Variants in JMY observed in about 807,000 individuals in gnomAD.
The protein encoded by JMY is junction-mediating and -regulatory protein.
JMY carries 46 observed loss-of-function variants against 103.3 expected under a neutral mutation model. The ratio of observed to expected loss-of-function variants is 0.45; its 90% CI spans 0.35 to 0.57. JMY has a LOEUF of 0.57. Among genes scored for constraint, JMY ranks in the 20% least tolerant of loss-of-function variants. The pLI is 0.00. For synonymous variants in JMY, 526 were observed against 489.3 expected (o/e 1.07, Z -0.99); for missense variants, 1,238 against 1,255.2 (o/e 0.99, Z 0.21).
intron 1 of JMY, 128 bp downstream of exon 1, chr5:79,237,810 A>G: frequency 1.3e-6 from 1 of 766,848 alleles, no homozygotes; most frequent in Non-Finnish European, 2.1e-6. Context: ...GCGGAAACCA[A>G]GAGGGGTTCC....
intron 1 of JMY, among the ~76,000 whole-genome samples, chr5:79,237,918 G>A (rs1744576406): frequency 6.6e-6 from 1 of 152,012 alleles, no homozygotes; most frequent in Non-Finnish European, 1.5e-5. Flanking sequence ...AAAGTAGTAA[G>A]TGCGCTCTGT....
intron 1 of JMY, among the ~76,000 whole-genome samples, chr5:79,273,409 T>C (rs1209473549): frequency 2.0e-5 from 3 of 152,228 alleles, no homozygotes; most frequent in Admixed American, 6.5e-5. Flanking sequence ...TTGTTCCTCC[T>C]ATGTTATTTT....
At chr5:79,311,745 G>T (rs7730113) in intron 7 of JMY, among the ~76,000 whole-genome samples, 8,523 of 152,242 alleles carry the variant, frequency 0.056, 543 homozygotes, top group African/African-American at 0.15. Context: ...TACTAAACCA[G>T]ATGATTCATG....
intron 2 of JMY, among the ~76,000 whole-genome samples, chr5:79,285,556 G>A (rs373491570): frequency 0.035 from 3,141 of 90,222 alleles, 133 homozygotes; most frequent in African/African-American, 0.18. Context: ...CTTGAGTTTC[G>A]ATTTCTCTCT....
chr5:79,236,529 G>T lies in JMY; in HGVS notation c.-122G>T. 1.4e-6 allele frequency: 1 copy of T among 698,146 alleles called. No homozygotes were observed. The highest frequency in any genetic ancestry group is 2.1e-6 in the Non-Finnish European group (1 of 484,910). 43.2% of individuals were successfully genotyped at this position (698,146 alleles called of 1,614,324 possible). A position where few individuals can be genotyped will look rare whatever the true frequency, so the allele number is the denominator to read the frequency against. On this transcript the variant is annotated 5_prime_UTR_variant, in exon 1 of 11. Coordinates refer to ENST00000396137, the MANE Select transcript of JMY (RefSeq NM_152405.5). ...GGCGAACGAGCCGGGAGAGCCGGCC[G>T]GCGCACTAAGATGGCTGAAGGCGCC...
At chr5:79,294,718 TGTG>T (rs1362856375) in intron 4 of JMY, among the ~76,000 whole-genome samples, 3 of 151,838 alleles carry the variant, frequency 2.0e-5, no homozygotes, top group South Asian at 4.2e-4. Flanking sequence ...ATTAGCCAGA[TGTG>T]GTGGTGAGCA....
chr5:79,263,396 G>A lies in JMY; in HGVS notation c.1033-14514G>A, dbSNP rs575207071. 1.1e-4 allele frequency among the ~76,000 whole-genome samples: 17 copies of A among 152,034 alleles called. No homozygotes were observed. The East Asian group carries it at 3.3e-3, about 29-fold the overall frequency. On this transcript the variant is annotated intron_variant, in intron 1 of 10. Coordinates refer to ENST00000396137, the MANE Select transcript of JMY (RefSeq NM_152405.5). The stretch of plus-strand genomic sequence containing the variant: ...GGTCTTTGTTACAAACAGGTTTTTT[G>A]ATTTTTTTTTTCTTTTCAGGCAGGA...
chr5:79,255,737 A>G (rs1262105414), intron 1 of JMY, among the ~76,000 whole-genome samples: 2 of 152,230 alleles, frequency 1.3e-5, no homozygotes, highest in Non-Finnish European at 2.9e-5. Context: ...TCACTGGATT[A>G]CCAGGCAAAG....
intron 1 of JMY, among the ~76,000 whole-genome samples, chr5:79,259,257 G>A (rs570975389): frequency 3.0e-4 from 45 of 152,278 alleles, no homozygotes; most frequent in African/African-American, 9.1e-4. Context: ...TCAGCCCTCA[G>A]CAGAGAGGAG....
chr5:79,284,612 T>A (rs1746215752), intron 2 of JMY: 3 of 1,546,678 alleles, frequency 1.9e-6, no homozygotes, highest in Non-Finnish European at 2.7e-6. Context: ...ACAGGTAAGA[T>A]CCATGCCATG....
intron 2 of JMY, among the ~76,000 whole-genome samples, chr5:79,280,479 G>A (rs1746073389): frequency 6.6e-6 from 1 of 152,114 alleles, no homozygotes; most frequent in African/African-American, 2.4e-5. Flanking sequence ...GAAAATTTGT[G>A]TCTTTTCTGA....
At chr5:79,313,716 A>G (rs1747119058) in intron 8 of JMY, among the ~76,000 whole-genome samples, 1 of 152,200 alleles carries the variant, frequency 6.6e-6, no homozygotes, top group Non-Finnish European at 1.5e-5. Flanking sequence ...TATTCACTAA[A>G]AATCTTTTTT....
At chr5:79,258,241 AAAAAG>A (rs1410972792) in intron 1 of JMY, among the ~76,000 whole-genome samples, 1 of 152,180 alleles carries the variant, frequency 6.6e-6, no homozygotes, top group Non-Finnish European at 1.5e-5. Context: ...TCTTTGAACT[AAAAAG>A]AAATAAAAAT....
intron 2 of JMY, among the ~76,000 whole-genome samples, chr5:79,281,201 C>T (rs1176519699): frequency 6.6e-6 from 1 of 151,464 alleles, no homozygotes; most frequent in Non-Finnish European, 1.5e-5. Context: ...CCTGCCACCA[C>T]ACCCGGCTAA....
chr5:79,281,661 A>AAG (rs1746119200), intron 2 of JMY, among the ~76,000 whole-genome samples: 1 of 152,158 alleles, frequency 6.6e-6, no homozygotes, highest in Non-Finnish European at 1.5e-5. Flanking sequence ...CCAAATACAA[A>AAG]AGAATATATA....
At chr5:79,243,233 C>A (rs1161499922) in intron 1 of JMY, among the ~76,000 whole-genome samples, 1 of 152,074 alleles carries the variant, frequency 6.6e-6, no homozygotes, top group Non-Finnish European at 1.5e-5. Flanking sequence ...CCCAAGGATA[C>A]CTTTGGGTCC....
chr5:79,253,831 C>A (rs997871734), intron 1 of JMY, among the ~76,000 whole-genome samples: 1 of 151,888 alleles, frequency 6.6e-6, no homozygotes, highest in Non-Finnish European at 1.5e-5. Flanking sequence ...GTGTATGCCA[C>A]CACTCTTTAT....
chr5:79,320,704 A>G (rs1016723418), intron 10 of JMY, among the ~76,000 whole-genome samples: 14 of 152,352 alleles, frequency 9.2e-5, no homozygotes, highest in Non-Finnish European at 1.8e-4. Context: ...AGTCACATCA[A>G]AAATGAAAAG....
chr5:79,297,874 C>T (rs772759485), intron 4 of JMY, among the ~76,000 whole-genome samples: 1 of 152,138 alleles, frequency 6.6e-6, no homozygotes, highest in Non-Finnish European at 1.5e-5. Context: ...GGTGAGGTCA[C>T]TGCTTGTAAG....
Sources: allele counts gnomAD v4.1 joint callset (sites outside exome capture counted in the v4.1 genomes callset), GRCh38; gene constraint gnomAD v4.1.1; transcripts MANE v1.5; gene names NCBI Gene and HGNC (gene_info 2026-07-23, HGNC 2026-07-21).